Variants in IQGAP1 observed in about 807,000 individuals in gnomAD.
The protein encoded by IQGAP1 is IQ motif containing GTPase activating protein 1, also known as ras GTPase-activating-like protein IQGAP1.
In IQGAP1, 66 loss-of-function variants were observed where a neutral mutation model predicts 215.6. The ratio of observed to expected loss-of-function variants is 0.31; its 90% CI spans 0.25 to 0.38. The LOEUF is 0.38. IQGAP1 is among the 10% of genes least tolerant of loss of function. The pLI is 1.00. For missense variants in IQGAP1, 1,712 were observed against 1,997.1 expected, an observed-to-expected ratio of 0.86 and a Z score of 2.72; for synonymous variants, 772 against 728.7, an observed-to-expected ratio of 1.06 and a Z score of -0.96.
chr15:90,428,094 C>G (rs1463573062), intron 3 of IQGAP1, among the ~76,000 whole-genome samples: 2 of 152,022 alleles, frequency 1.3e-5, no homozygotes, highest in Non-Finnish European at 2.9e-5. Flanking sequence ...TGTTTTGAGA[C>G]AGGGACTTGC....
chr15:90,403,994 A>G (rs1472428455), intron 2 of IQGAP1, among the ~76,000 whole-genome samples: 3 of 152,312 alleles, frequency 2.0e-5, no homozygotes, highest in East Asian at 1.9e-4. Context: ...AATTCATTCC[A>G]TATGAGTGAA....
intron 35 of IQGAP1, 139 bp downstream of exon 35, chr15:90,492,850 A>G: frequency 4.4e-6 from 3 of 678,506 alleles, no homozygotes; most frequent in African/African-American, 1.8e-5. Flanking sequence ...TTTACCTCTA[A>G]TCATTTGTGT....
At chr15:90,395,369 A>G (rs932332354) in intron 2 of IQGAP1, among the ~76,000 whole-genome samples, 4 of 151,146 alleles carry the variant, frequency 2.6e-5, no homozygotes, top group Non-Finnish European at 5.9e-5. Context: ...CGCCCGGGCC[A>G]GAGTGCAATG....
intron 8 of IQGAP1, 53 bp from the exon 9 acceptor site, chr15:90,443,341 G>T: frequency 1.8e-6 from 2 of 1,092,008 alleles, no homozygotes; most frequent in Admixed American, 1.8e-5. Flanking sequence ...GTATTTATGT[G>T]GTCTTCTTAG....
At chr15:90,481,932 T>G in intron 26 of IQGAP1, 28 bp from the exon 27 acceptor site, 1 of 1,613,292 alleles carries the variant, frequency 6.2e-7, no homozygotes, top group Non-Finnish European at 8.5e-7. Context: ...TAGTCTAACA[T>G]AGTTGGGTAT....
intron 30 of IQGAP1, among the ~76,000 whole-genome samples, chr15:90,485,652 C>A (rs188670314): frequency 6.6e-6 from 1 of 152,106 alleles, no homozygotes; most frequent in Non-Finnish European, 1.5e-5. Flanking sequence ...GTTGTCCAGG[C>A]TGGTCTTGAA....
chr15:90,485,304 A>T (rs1966111305), intron 30 of IQGAP1, among the ~76,000 whole-genome samples: 1 of 152,196 alleles, frequency 6.6e-6, no homozygotes, highest in South Asian at 2.1e-4. Context: ...TTTTCTCTGA[A>T]TTAAATCATG....
At position 90,454,567 on chromosome 15, in the gene IQGAP1, T is replaced by C; in HGVS notation, c.1612+15T>C. 6.5e-7 allele frequency: 1 copy of C among 1,531,098 alleles called. No individual in the cohort carries two copies. The highest frequency in any genetic ancestry group is 8.8e-7 in the Non-Finnish European group (1 of 1,141,370). 94.8% of individuals were successfully genotyped at this position (1,531,098 alleles called of 1,614,324 possible). ...GGAACATGAGAGTGAGTTATCTTCC[T>C]GTCCTCCCCAAATAATGTCACCATT... On this transcript the variant is annotated intron_variant, in intron 14 of 37. Coordinates refer to ENST00000268182, the MANE Select transcript of IQGAP1 (RefSeq NM_003870.4).
At chr15:90,465,730 A>G (rs932178720) in intron 15 of IQGAP1, among the ~76,000 whole-genome samples, 5 of 151,926 alleles carry the variant, frequency 3.3e-5, no homozygotes, top group South Asian at 2.1e-4. Flanking sequence ...GGGTCTCACT[A>G]TGTTGCCCAG....
Position 90,402,686 on chromosome 15 carries a change from T to C in IQGAP1, c.155+11813T>C, listed in dbSNP as rs1186114646. 2.0e-5 allele frequency among the ~76,000 whole-genome samples: 3 copies of C among 152,074 alleles called. No individual in the cohort carries two copies. The East Asian group carries it at 5.8e-4, about 29-fold the overall frequency. On this transcript the variant is annotated intron_variant, in intron 2 of 37. Transcript: ENST00000268182. ...TGAGCAACATAAGAAACTAAAAATA[T>C]TTTCTCAAATAGAATTAACTGGTGA...
chr15:90,452,749 G>A lies in IQGAP1; in HGVS notation c.1163-26G>A, dbSNP rs150504202. 373 of 1,611,830 alleles carry A rather than the reference G, an allele frequency of 2.3e-4. 2 individuals carry two copies. The African/African-American group carries it at 2.8e-3, about 12-fold the overall frequency. On this transcript the variant is annotated intron_variant, in intron 11 of 37. Transcript: ENST00000268182. Reference sequence around the variant, plus strand: ...CCTGAGGGCTCTCTAAGCCCACTGCGTTTCTGACTCCTGTTTTTTACACAG... The same window carrying A: ...CCTGAGGGCTCTCTAAGCCCACTGCATTTCTGACTCCTGTTTTTTACACAG...
intron 15 of IQGAP1, among the ~76,000 whole-genome samples, chr15:90,457,595 A>ATTTTTTTTTTTTTTTTTTT (rs34550575): frequency 7.6e-6 from 1 of 131,372 alleles, no homozygotes. Context: ...CCTGGCTAAA[A>ATTTTTTTTTTTTTTTTTTT]TTTTTTTTTT....
Position 90,476,755 on chromosome 15 carries a change from G to A in IQGAP1, c.2877G>A (p.Lys959=). Residue 959 remains lysine (K), a synonymous_variant, in exon 24 of 38, where the codon AAG becomes AAA. Transcript: ENST00000268182. The part of the protein sequence containing the change: ...MMINKQKGGL[K]ALSKEKREKL... Reference sequence around the variant, plus strand: ...TAAATAAACAGAAGGGAGGTCTCAAGGCTTTGAGCAAGGAGAAGAGAGAGA... The same window carrying A: ...TAAATAAACAGAAGGGAGGTCTCAAAGCTTTGAGCAAGGAGAAGAGAGAGA... The A allele has an allele frequency of 6.2e-7, 1 of 1,607,988 alleles. No homozygotes were observed. The highest frequency in any genetic ancestry group is 1.3e-5 in the African/African-American group (1 of 74,412).
chr15:90,424,068 T>C (rs1282947572), intron 2 of IQGAP1, among the ~76,000 whole-genome samples: 1 of 152,154 alleles, frequency 6.6e-6, no homozygotes, highest in African/African-American at 2.4e-5. Flanking sequence ...AGGGCCATTT[T>C]TGGCTTAGGC....
chr15:90,435,279 CCA>C (rs1268651722), intron 5 of IQGAP1, among the ~76,000 whole-genome samples: 2 of 152,044 alleles, frequency 1.3e-5, no homozygotes, highest in Non-Finnish European at 2.9e-5. Context: ...GAGTTAGAGA[CCA>C]TCCTGGGCAA....
In IQGAP1 at chr15:90,474,687, G is replaced by T; in HGVS notation, c.2778G>T (p.Thr926=). The change falls in exon 23 of 38, where the codon ACG becomes ACT. Residue 926 remains threonine (T), a synonymous_variant. Transcript: ENST00000268182. ...GACTGCTAGTGAAAAATAAGATTACGTTGCAGGTATGGCCCAGTGCCAGCG... is the reference window on the plus strand; with the variant it reads ...GACTGCTAGTGAAAAATAAGATTACTTTGCAGGTATGGCCCAGTGCCAGCG... ...KIGLLVKNKI[T]LQDVVSHSKK... The T allele has an allele frequency of 6.2e-7, 1 of 1,611,812 alleles. No individual in the cohort carries two copies.
At chr15:90,434,106 G>A (rs1965337958) in intron 5 of IQGAP1, among the ~76,000 whole-genome samples, 1 of 151,972 alleles carries the variant, frequency 6.6e-6, no homozygotes, top group South Asian at 2.1e-4. Flanking sequence ...AGTTAGGTAG[G>A]TCCTTGCCAT....
At chr15:90,394,112 G>A (rs1964677699) in intron 2 of IQGAP1, among the ~76,000 whole-genome samples, 1 of 138,260 alleles carries the variant, frequency 7.2e-6, no homozygotes, top group Admixed American at 7.8e-5. Flanking sequence ...TCCAGCCTGG[G>A]CATCAAGAGT....
At chr15:90,414,324 T>TA (rs1385632814) in intron 2 of IQGAP1, among the ~76,000 whole-genome samples, 2 of 152,044 alleles carry the variant, frequency 1.3e-5, no homozygotes, top group Middle Eastern at 3.4e-3. Flanking sequence ...GTCTCCATTA[T>TA]AAAAAAAGTA....
Sources: gnomAD v4.1 joint callset for allele counts (sites outside exome capture counted in the v4.1 genomes callset) on GRCh38, gnomAD v4.1.1 for gene constraint, MANE v1.5 for transcripts, NCBI Gene and HGNC (gene_info 2026-07-23, HGNC 2026-07-21) for gene names.